Variants in PCDHGB6 observed in about 807,000 individuals in gnomAD.
PCDHGB6 encodes protocadherin gamma-B6.
A neutral mutation model predicts 59.1 loss-of-function variants in PCDHGB6; 51 were observed. The observed-to-expected ratio is 0.86, with a 90% CI of 0.69 to 1.09. The LOEUF (loss-of-function observed/expected upper bound fraction) is 1.09, where lower values mean the gene tolerates loss of function less well. Ranked by LOEUF, PCDHGB6 falls within the 50% of genes least tolerant of loss-of-function variation. The pLI is 0.00. For synonymous variants in PCDHGB6, 466 were observed against 495.1 expected (o/e 0.94, Z 0.78); for missense variants, 1,148 against 1,205.1 (o/e 0.95, Z 0.70).
rs1015263434 is a variant in PCDHGB6 at position 141,409,831 on chromosome 5, C to A, written c.1629C>A (p.Ser543Arg). 6.2e-7 allele frequency: 1 copy of A among 1,611,128 alleles called. No individual in the cohort carries two copies. Among genetic ancestry groups the A allele is most frequent in the African/African-American group, 1.3e-5 (1 of 75,000 alleles). Residue 543 changes from serine to arginine, a missense_variant, in exon 1 of 4, where the codon AGC becomes AGA. Physicochemically the swap from Ser to Arg is moderately radical, Grantham distance 110. Around this residue, in one of 5 missense-constraint regions of PCDHGB6, gnomAD observed 549 missense variants for 527.5 expected, o/e 1.04. Transcript: ENST00000520790. ...GCGACCACGGCTCGCCCACGCTCAG[C>A]GCCAACGTGAGCCTGCGCGTGTTGG... is the stretch of plus-strand genomic sequence containing the variant. ...QARDHGSPTL[S>R]ANVSLRVLVG...
At chr5:141,414,183 A>C in intron 1 of PCDHGB6, 1 of 1,609,508 alleles carries the variant, frequency 6.2e-7, no homozygotes, top group Non-Finnish European at 8.5e-7. Flanking sequence ...CAACTGCAAA[A>C]GTGTTGATTA....
chr5:141,419,613 G>T (rs369914837), intron 1 of PCDHGB6: 144 of 1,612,020 alleles, frequency 8.9e-5, no homozygotes, highest in Admixed American at 1.5e-4. Context: ...GCGCAGCCAG[G>T]CTACCTGGTG....
chr5:141,415,056 G>T, intron 1 of PCDHGB6: 1 of 1,613,416 alleles, frequency 6.2e-7, no homozygotes. Context: ...GGGAGCACAC[G>T]GGCGAGGTGC....
At chr5:141,479,964 A>G (rs188553800) in intron 1 of PCDHGB6, among the ~76,000 whole-genome samples, 1 of 152,330 alleles carries the variant, frequency 6.6e-6, no homozygotes, top group East Asian at 1.9e-4. Context: ...AGTTAGTCAA[A>G]TGAGGTTCTA....
At position 141,409,013 on chromosome 5, in the gene PCDHGB6, G is replaced by T; in HGVS notation, c.811G>T (p.Glu271Ter). The change falls in exon 1 of 4, where the codon GAG (glutamate) becomes TAG (stop). Residue 271 changes from glutamate (E) to a stop codon, truncating the protein, a stop_gained. Transcript: ENST00000520790. LOFTEE classifies it high-confidence loss of function. ...GCAAGTGACAGCCACTGACCAGGAT[G>T]AGGGGGTCAATGCTGAGATAAACTA... ...VLQVTATDQD[E>*]GVNAEINYYF... is the part of the protein sequence containing the mutation. 6.2e-7 allele frequency: 1 copy of T among 1,613,998 alleles called. No individual in the cohort carries two copies.
Position 141,489,517 on chromosome 5 carries a change from G to C in PCDHGB6, c.2419-5290G>C. The C allele has an allele frequency of 6.2e-7, 1 of 1,614,136 alleles. No individual in the cohort carries two copies. Among genetic ancestry groups the C allele is most frequent in the Non-Finnish European group, 8.5e-7 (1 of 1,180,044 alleles). On this transcript the variant is annotated intron_variant, in intron 1 of 3. Transcript: ENST00000520790. The surrounding 1 kb of genome is among the most constrained non-coding windows in gnomAD (Gnocchi z 4.5). ...GGCAGTGAATCAAAAGATTGACCGA[G>C]AAAGCCTATGTGGAGCCAGCACCAG...
chr5:141,422,938 G>A (rs1226350240), intron 1 of PCDHGB6: 2 of 1,614,116 alleles, frequency 1.2e-6, no homozygotes, highest in Non-Finnish European at 1.7e-6. Flanking sequence ...CCTCCCCACA[G>A]ACGGCTCCAC....
intron 2 of PCDHGB6, among the ~76,000 whole-genome samples, chr5:141,495,690 G>A (rs1261694815): frequency 1.3e-5 from 2 of 152,172 alleles, no homozygotes; most frequent in East Asian, 3.9e-4. Context: ...TGGCATAAGT[G>A]CTCAATAAAT....
chr5:141,423,299 C>T (rs1225422770), intron 1 of PCDHGB6: 2 of 1,614,128 alleles, frequency 1.2e-6, no homozygotes, highest in Non-Finnish European at 1.7e-6. Context: ...TCAGACCTCT[C>T]GCTGTACTTG....
At chr5:141,509,669 G>GAGAA (rs2099877764) in intron 3 of PCDHGB6, among the ~76,000 whole-genome samples, 1 of 152,180 alleles carries the variant, frequency 6.6e-6, no homozygotes, top group African/African-American at 2.4e-5. Flanking sequence ...CTGGGCCCCA[G>GAGAA]TTTCTTCTTC....
chr5:141,447,538 T>C (rs954291961), intron 1 of PCDHGB6, among the ~76,000 whole-genome samples: 4 of 152,204 alleles, frequency 2.6e-5, no homozygotes, highest in Admixed American at 2.6e-4. Context: ...TTGTTGGGTT[T>C]TAATGTTATG....
intron 2 of PCDHGB6, among the ~76,000 whole-genome samples, chr5:141,504,341 CTTTGTGCTAGGT>C (rs963088433): frequency 3.9e-5 from 6 of 152,020 alleles, no homozygotes; most frequent in African/African-American, 1.4e-4. Flanking sequence ...AAGTGCTAGG[CTTTGTGCTAGGT>C]GCTTCAGTAG....
chr5:141,465,210 AT>A (rs1374516492), intron 1 of PCDHGB6, among the ~76,000 whole-genome samples: 4 of 152,032 alleles, frequency 2.6e-5, no homozygotes, highest in African/African-American at 9.7e-5. Flanking sequence ...TATAAGCTTT[AT>A]TTTTCAACAT....
rs769461165 is a variant in PCDHGB6, at chr5:141,491,293, C to G, written c.2419-3514C>G. 2 of 1,614,048 alleles carry G rather than the reference C, an allele frequency of 1.2e-6. No individual in the cohort carries two copies. Among genetic ancestry groups the G allele is most frequent in the Admixed American group, 3.3e-5 (2 of 60,008 alleles). ...ATCCAGTGACTTCCTCATACACCCT[C>G]CTGAGCGTTCAGACCTTACCCTTTA... On this transcript the variant is annotated intron_variant, in intron 1 of 3. Coordinates refer to ENST00000520790, the MANE Select transcript of PCDHGB6 (RefSeq NM_018926.3). This position sits in a 1 kb window ranked among gnomAD's most constrained non-coding sequence, Gnocchi z 6.9.
intron 1 of PCDHGB6, among the ~76,000 whole-genome samples, chr5:141,455,860 ATTATTTATTTAT>A (rs145569377): frequency 0.023 from 3,231 of 139,812 alleles, 82 homozygotes; most frequent in African/African-American, 0.066. Context: ...AATTTCTTTT[ATTATTTATTTAT>A]TTATTTATTT....
intron 1 of PCDHGB6, among the ~76,000 whole-genome samples, chr5:141,464,747 G>A (rs969116049): frequency 2.0e-5 from 3 of 151,812 alleles, no homozygotes; most frequent in Admixed American, 2.0e-4. Context: ...ATATCTTTTT[G>A]TTTTTTTAGA....
chr5:141,453,341 C>T (rs1327119655), intron 1 of PCDHGB6, among the ~76,000 whole-genome samples: 2 of 151,822 alleles, frequency 1.3e-5, no homozygotes, highest in East Asian at 3.9e-4. Context: ...CTATGTTTCC[C>T]CAGGCTGACC....
intron 1 of PCDHGB6, among the ~76,000 whole-genome samples, chr5:141,482,755 T>TGAAGTGGGAGAATTGCTTGAGCCTGGG (rs1554165462): frequency 6.3e-5 from 9 of 143,570 alleles, no homozygotes; most frequent in African/African-American, 1.4e-4. Context: ...GGGATTATGG[T>TGAAGTGGGAGAATTGCTTGAGCCTGGG]ATTTCATTAT....
At position 141,477,415 on chromosome 5, in the gene PCDHGB6, A is replaced by T. The variant is rs771293212; in HGVS notation, c.2419-17392A>T. On this transcript the variant is annotated intron_variant, in intron 1 of 3. Coordinates refer to ENST00000520790, the MANE Select transcript of PCDHGB6 (RefSeq NM_018926.3). This position sits in a 1 kb window ranked among gnomAD's most constrained non-coding sequence, Gnocchi z 4.9. ...TCAGCATCACCGCCCGAGACGCCGG[A>T]ACCCCTTCCCTCTCAGCCCTTACAA... 12 of 1,614,162 alleles carry T rather than the reference A, an allele frequency of 7.4e-6. No individual in the cohort carries two copies. The highest frequency in any genetic ancestry group is 1.0e-5 in the Non-Finnish European group (12 of 1,180,020).
Sources: gnomAD v4.1 joint callset for allele counts (sites outside exome capture counted in the v4.1 genomes callset) on GRCh38, gnomAD v4.1.1 for gene constraint, gnomAD v4.1.1 regional missense constraint, Gnocchi (gnomAD v3.1) non-coding constraint, MANE v1.5 for transcripts, NCBI Gene and HGNC (gene_info 2026-07-23, HGNC 2026-07-21) for gene names.